The following RCAN1 variants were observed in gnomAD, a reference collection of about 807,000 sequenced individuals.
RCAN1 encodes calcipressin-1.
RCAN1 carries 11 observed loss-of-function variants against 22.9 expected under a neutral mutation model. That is an observed-to-expected ratio of 0.48 (90% CI 0.30 to 0.79). The LOEUF (loss-of-function observed/expected upper bound fraction) is 0.79, where lower values mean the gene tolerates loss of function less well. Among genes scored for constraint, RCAN1 ranks in the 30% least tolerant of loss-of-function variants. The probability of loss-of-function intolerance (pLI) is 0.06; values close to 1 mark genes in which losing one functional copy is unlikely to be tolerated. For missense variants in RCAN1, 291 were observed against 337.8 expected, an observed-to-expected ratio of 0.86 and a Z score of 1.09; for synonymous variants, 136 against 142.3, an observed-to-expected ratio of 0.96 and a Z score of 0.32.
chr21:34,600,791 C>T (rs1234467501), intron 1 of RCAN1, among the ~76,000 whole-genome samples: 1 of 152,172 alleles, frequency 6.6e-6, no homozygotes, highest in Non-Finnish European at 1.5e-5. Flanking sequence ...TTAGCAAAGT[C>T]TCAACATACT....
chr21:34,567,694 G>A (rs1252524103), intron 1 of RCAN1, among the ~76,000 whole-genome samples: 3 of 152,104 alleles, frequency 2.0e-5, no homozygotes, highest in African/African-American at 7.2e-5. Context: ...CAGAACTTCG[G>A]TCTAGTTACT....
intron 1 of RCAN1, among the ~76,000 whole-genome samples, chr21:34,573,604 T>C (rs1431330871): frequency 6.6e-6 from 1 of 152,216 alleles, no homozygotes; most frequent in East Asian, 1.9e-4. Flanking sequence ...TCAGTCTAAG[T>C]AGGTGACCTC....
chr21:34,565,993 G>A (rs983528598), intron 1 of RCAN1, among the ~76,000 whole-genome samples: 3 of 152,296 alleles, frequency 2.0e-5, no homozygotes, highest in African/African-American at 7.2e-5. Flanking sequence ...AACACTTTCC[G>A]TCACCTGCTG....
At chr21:34,536,869 T>A (rs1241500809) in intron 1 of RCAN1, among the ~76,000 whole-genome samples, 3 of 152,188 alleles carry the variant, frequency 2.0e-5, no homozygotes, top group Non-Finnish European at 2.9e-5. Flanking sequence ...CAGAAATGGT[T>A]TTCTGTTGTT....
chr21:34,613,779 A>T, intron 1 of RCAN1: 1 of 1,489,556 alleles, frequency 6.7e-7, no homozygotes, highest in Non-Finnish European at 9.1e-7. Context: ...TAAATAAATG[A>T]CACTTACATA....
intron 1 of RCAN1, among the ~76,000 whole-genome samples, chr21:34,581,380 C>T (rs1016200297): frequency 1.5e-4 from 23 of 152,122 alleles, no homozygotes; most frequent in Non-Finnish European, 2.4e-4. Context: ...TATTCAAAAA[C>T]AAAACAAAAT....
intron 1 of RCAN1, among the ~76,000 whole-genome samples, chr21:34,578,382 CTT>C (rs548007586): frequency 9.3e-4 from 141 of 152,304 alleles, no homozygotes; most frequent in South Asian, 8.9e-3. Flanking sequence ...GATTGAGAAA[CTT>C]GAGGTCTCCT....
At chr21:34,594,075 G>C (rs906214921) in intron 1 of RCAN1, among the ~76,000 whole-genome samples, 2 of 152,170 alleles carry the variant, frequency 1.3e-5, no homozygotes, top group African/African-American at 4.8e-5. Flanking sequence ...TTATATTAGA[G>C]GAGTTCCTGT....
chr21:34,595,236 A>G (rs1988108183), intron 1 of RCAN1, among the ~76,000 whole-genome samples: 1 of 150,418 alleles, frequency 6.6e-6, no homozygotes, highest in Non-Finnish European at 1.5e-5. Flanking sequence ...ACTGGCACAG[A>G]GTGGGTGTGG....
chr21:34,600,255 T>C (rs1311626613), intron 1 of RCAN1, among the ~76,000 whole-genome samples: 1 of 152,176 alleles, frequency 6.6e-6, no homozygotes, highest in Non-Finnish European at 1.5e-5. Context: ...TTAAGAAAGG[T>C]CATCTTCCCC....
rs1219448863 is a variant in RCAN1 at position 34,526,846 on chromosome 21, C to T, written c.253-3136G>A. 6.0e-6 allele frequency: 9 copies of T among 1,498,184 alleles called. No individual in the cohort carries two copies. In the Middle Eastern group the frequency reaches 5.1e-4, roughly 85 times the overall value. The allele number at this position is 1,498,184 out of a possible 1,614,324, so 92.8% of individuals were successfully genotyped here. A position where few individuals can be genotyped will look rare whatever the true frequency, so the allele number is the denominator to read the frequency against. ...CTGTAGGTTCCTTCTTGAGCTGGTGCTTATAAAGCAGTAAGGGCCAGCCCC... is the reference window on the plus strand; with the variant it reads ...CTGTAGGTTCCTTCTTGAGCTGGTGTTTATAAAGCAGTAAGGGCCAGCCCC... On this transcript the variant is annotated intron_variant, in intron 1 of 3. Transcript: ENST00000313806.
chr21:34,576,156 C>T (rs1987406049), intron 1 of RCAN1, among the ~76,000 whole-genome samples: 1 of 152,206 alleles, frequency 6.6e-6, no homozygotes, highest in Admixed American at 6.5e-5. Flanking sequence ...TAAGGAACCA[C>T]CCAGTGACAT....
chr21:34,542,925 C>G (rs1025126047), intron 1 of RCAN1, among the ~76,000 whole-genome samples: 1 of 152,138 alleles, frequency 6.6e-6, no homozygotes, highest in Non-Finnish European at 1.5e-5. Context: ...TGGAGCCAGG[C>G]CACCTGGGTC....
At chr21:34,533,769 C>T (rs940395777) in intron 1 of RCAN1, among the ~76,000 whole-genome samples, 7 of 152,210 alleles carry the variant, frequency 4.6e-5, no homozygotes, top group Non-Finnish European at 7.3e-5. Context: ...AAAGCAAGCC[C>T]GGCCAGGGAA....
intron 1 of RCAN1, among the ~76,000 whole-genome samples, chr21:34,582,467 G>C (rs1174049129): frequency 6.6e-6 from 1 of 152,128 alleles, no homozygotes; most frequent in Non-Finnish European, 1.5e-5. Context: ...GAGTGAGGGA[G>C]TAAGCCATGT....
intron 1 of RCAN1, among the ~76,000 whole-genome samples, chr21:34,537,989 T>A (rs1239647413): frequency 6.6e-6 from 1 of 152,260 alleles, no homozygotes; most frequent in East Asian, 1.9e-4. Flanking sequence ...ATAGCGACGA[T>A]CTTGATTCTG....
intron 1 of RCAN1, among the ~76,000 whole-genome samples, chr21:34,611,911 C>T (rs1768284464): frequency 6.6e-6 from 1 of 152,156 alleles, no homozygotes; most frequent in Non-Finnish European, 1.5e-5. Flanking sequence ...AGCTATTTGC[C>T]CTCAGAGACT....
chr21:34,610,668 C>T (rs116057054), intron 1 of RCAN1, among the ~76,000 whole-genome samples: 2 of 152,120 alleles, frequency 1.3e-5, no homozygotes, highest in African/African-American at 2.4e-5. Flanking sequence ...GCTTTCCAGG[C>T]GATTCCCAGC....
intron 1 of RCAN1, among the ~76,000 whole-genome samples, chr21:34,611,465 C>T (rs565396672): frequency 1.3e-5 from 2 of 152,162 alleles, no homozygotes; most frequent in East Asian, 3.8e-4. Context: ...TACAAAACAG[C>T]TTCTGATGTA....
Sources: allele counts gnomAD v4.1 joint callset (sites outside exome capture counted in the v4.1 genomes callset), GRCh38; gene constraint gnomAD v4.1.1; transcripts MANE v1.5; gene names NCBI Gene and HGNC (gene_info 2026-07-23, HGNC 2026-07-21).